NME7: variants seen among roughly 807,000 people sequenced by gnomAD.
The protein encoded by NME7 is NME/NM23 family member 7, also known as nucleoside diphosphate kinase 7.
A neutral mutation model predicts 49.1 loss-of-function variants in NME7; 41 were observed. The ratio of observed to expected loss-of-function variants is 0.83; its 90% CI spans 0.65 to 1.08. NME7 has a LOEUF of 1.08. Ranked by LOEUF, NME7 falls within the 50% of genes least tolerant of loss-of-function variation. The probability of loss-of-function intolerance (pLI) is 0.00; values close to 1 mark genes in which losing one functional copy is unlikely to be tolerated. For missense variants in NME7, 423 were observed against 463.4 expected (o/e 0.91, Z 0.80); for synonymous variants, 139 against 150.6 (o/e 0.92, Z 0.56).
chr1:169,200,184 AC>A (rs1660506463), intron 10 of NME7, among the ~76,000 whole-genome samples: 1 of 152,058 alleles, frequency 6.6e-6, no homozygotes, highest in African/African-American at 2.4e-5. Context: ...TTTATATATC[AC>A]TATATAACGT....
intron 1 of NME7, among the ~76,000 whole-genome samples, chr1:169,352,526 A>T (rs1425073986): frequency 6.6e-6 from 1 of 152,126 alleles, no homozygotes; most frequent in Non-Finnish European, 1.5e-5. Context: ...GAACATGACA[A>T]GGTTATACAC....
rs992319785 is a variant in NME7 at position 169,272,778 on chromosome 1, T to C, written c.754+14525A>G. On this transcript the variant is annotated intron_variant, in intron 7 of 11. Transcript: ENST00000367811. Reference sequence around the variant, plus strand: ...CATACACGTGCATGTATTTTTATAATAGAACGATTTACATTCCTTTGGGTA... The same window carrying C: ...CATACACGTGCATGTATTTTTATAACAGAACGATTTACATTCCTTTGGGTA... Among the ~76,000 whole-genome samples the C allele has an allele frequency of 3.7e-5, 5 of 133,486 alleles. 1 individual carries two copies. In the South Asian group the frequency reaches 7.0e-4, roughly 19 times the overall value. 87.6% of individuals were successfully genotyped at this position (133,486 alleles called of 152,430 possible). A position where few individuals can be genotyped will look rare whatever the true frequency, so the allele number is the denominator to read the frequency against.
intron 10 of NME7, among the ~76,000 whole-genome samples, chr1:169,217,807 G>A (rs983844237): frequency 5.3e-5 from 8 of 152,250 alleles, no homozygotes; most frequent in African/African-American, 1.9e-4. Flanking sequence ...TTTTTGTGCT[G>A]GTTGCGGCTT....
chr1:169,354,956 GT>G lies in NME7; in HGVS notation c.3+12751del, dbSNP rs1194802244. ...CTATTATGTATTATATATTATATAT[GT>G]TTATATATAATATAATTATATATGT... On this transcript the variant is annotated intron_variant, in intron 1 of 11. Coordinates refer to ENST00000367811, the MANE Select transcript of NME7 (RefSeq NM_013330.5). Among the ~76,000 whole-genome samples, 73 of 41,730 alleles carry G rather than the reference GT, an allele frequency of 1.7e-3. 3 individuals carry two copies. Among genetic ancestry groups the G allele is most frequent in the Non-Finnish European group, 3.0e-3 (54 of 17,906 alleles). The allele number at this position is 41,730 out of a possible 152,430, so 27.4% of individuals were successfully genotyped here. A position where few individuals can be genotyped will look rare whatever the true frequency, so the allele number is the denominator to read the frequency against.
chr1:169,221,103 T>G (rs1277009206), intron 10 of NME7, among the ~76,000 whole-genome samples: 1 of 152,164 alleles, frequency 6.6e-6, no homozygotes, highest in Non-Finnish European at 1.5e-5. Flanking sequence ...CAATTTAACC[T>G]TCATCTACTC....
At chr1:169,223,586 T>C (rs1298256299) in intron 10 of NME7, among the ~76,000 whole-genome samples, 1 of 152,190 alleles carries the variant, frequency 6.6e-6, no homozygotes, top group Non-Finnish European at 1.5e-5. Context: ...CCTATTGATA[T>C]GTCACCATTA....
In NME7 at chr1:169,257,373, C is replaced by T. The variant is rs1019831706; in HGVS notation, c.755-19686G>A. Among the ~76,000 whole-genome samples the T allele has an allele frequency of 5.9e-5, 8 of 134,706 alleles. 2 individuals carry two copies. The highest frequency in any genetic ancestry group is 2.0e-4 in the African/African-American group (8 of 39,834). The allele number at this position is 134,706 out of a possible 152,430, so 88.4% of individuals were successfully genotyped here. ...TTTCTTTGACTCAGAAAGGGAACTC[C>T]CTGACCCCTTGCGCTTCCCAAGTGA... is the stretch of plus-strand genomic sequence containing the variant. On this transcript the variant is annotated intron_variant, in intron 7 of 11. Coordinates refer to ENST00000367811, the MANE Select transcript of NME7 (RefSeq NM_013330.5).
chr1:169,271,339 AC>A (rs1649485445), intron 7 of NME7, among the ~76,000 whole-genome samples: 1 of 133,640 alleles, frequency 7.5e-6, no homozygotes, highest in African/African-American at 2.5e-5. Flanking sequence ...AAATCCATTT[AC>A]CCCAACAATA....
intron 10 of NME7, among the ~76,000 whole-genome samples, chr1:169,183,726 C>T (rs1266046123): frequency 6.6e-6 from 1 of 151,784 alleles, no homozygotes; most frequent in East Asian, 1.9e-4. Flanking sequence ...GGCGTGAACC[C>T]GGGAGGTAGA....
chr1:169,317,122 GA>G lies in NME7; in HGVS notation c.278+5994del, dbSNP rs891612652. On this transcript the variant is annotated intron_variant, in intron 3 of 11. Coordinates refer to ENST00000367811, the MANE Select transcript of NME7 (RefSeq NM_013330.5). ...AAATATAACCATTCCAGATTAAATT[GA>G]AAAAAAACCTATATGTTATTTACAA... is the stretch of plus-strand genomic sequence containing the variant. Among the ~76,000 whole-genome samples, 5 of 151,374 alleles carry G rather than the reference GA, an allele frequency of 3.3e-5. No individual in the cohort carries two copies. In the East Asian group the frequency reaches 7.8e-4, roughly 23 times the overall value.
At chr1:169,205,270 C>A (rs945685181) in intron 10 of NME7, among the ~76,000 whole-genome samples, 1 of 152,200 alleles carries the variant, frequency 6.6e-6, no homozygotes, top group South Asian at 2.1e-4. Flanking sequence ...AGCTTTAGCA[C>A]CATCATCACA....
At chr1:169,195,772 A>G (rs1660363806) in intron 10 of NME7, among the ~76,000 whole-genome samples, 1 of 152,214 alleles carries the variant, frequency 6.6e-6, no homozygotes, top group Non-Finnish European at 1.5e-5. Context: ...AGTTCTTACT[A>G]TGTACCAGAC....
chr1:169,254,125 T>A (rs1431789385), intron 7 of NME7, among the ~76,000 whole-genome samples: 29 of 150,070 alleles, frequency 1.9e-4, no homozygotes, highest in Non-Finnish European at 3.9e-4. Flanking sequence ...TTGGAATAGT[T>A]TCAGAAGGAA....
intron 10 of NME7, among the ~76,000 whole-genome samples, chr1:169,178,621 C>G (rs1175589825): frequency 6.6e-6 from 1 of 152,112 alleles, no homozygotes; most frequent in Non-Finnish European, 1.5e-5. Context: ...CATCCCTAAG[C>G]TGGTTTCTGT....
At chr1:169,248,697 G>A (rs1361433683) in intron 7 of NME7, among the ~76,000 whole-genome samples, 2 of 152,046 alleles carry the variant, frequency 1.3e-5, no homozygotes, top group African/African-American at 4.8e-5. Context: ...TTCTACATGT[G>A]GTTATCCAGT....
intron 1 of NME7, among the ~76,000 whole-genome samples, chr1:169,344,428 A>G (rs1186903303): frequency 1.3e-5 from 2 of 152,166 alleles, no homozygotes; most frequent in Non-Finnish European, 2.9e-5. Context: ...GTTGTATAAA[A>G]TTGTGAGAGC....
At chr1:169,361,859 A>T (rs1653670266) in intron 1 of NME7, among the ~76,000 whole-genome samples, 1 of 152,196 alleles carries the variant, frequency 6.6e-6, no homozygotes, top group Non-Finnish European at 1.5e-5. Flanking sequence ...GAAACTGAAA[A>T]GCATTTCATT....
intron 10 of NME7, among the ~76,000 whole-genome samples, chr1:169,197,562 C>G (rs1660424913): frequency 6.6e-6 from 1 of 152,078 alleles, no homozygotes; most frequent in Non-Finnish European, 1.5e-5. Context: ...ATATATACAT[C>G]CACTTTCAAC....
rs377579768 is a variant in NME7 at position 169,352,351 on chromosome 1, C to T, written c.3+15357G>A. On this transcript the variant is annotated intron_variant, in intron 1 of 11. Transcript: ENST00000367811. ...ACCATACAATCATTTCCATTGATGC[C>T]GAAAAAGCATTTGATAAAATTCAAC... Among the ~76,000 whole-genome samples the T allele has an allele frequency of 1.9e-4, 29 of 151,718 alleles. 2 individuals are homozygous for T. The East Asian group carries it at 2.5e-3, about 13-fold the overall frequency.
Sources: allele counts gnomAD v4.1 joint callset (sites outside exome capture counted in the v4.1 genomes callset), GRCh38; gene constraint gnomAD v4.1.1; transcripts MANE v1.5; gene names NCBI Gene and HGNC (gene_info 2026-07-23, HGNC 2026-07-21).